HIVEP3: variants seen among roughly 807,000 people sequenced by gnomAD.
HIVEP3 encodes the protein transcription factor HIVEP3.
HIVEP3 carries 49 observed loss-of-function variants against 152.8 expected under a neutral mutation model. That is an observed-to-expected ratio of 0.32 (90% CI 0.26 to 0.41). HIVEP3 has a LOEUF of 0.41. Among genes scored for constraint, HIVEP3 ranks in the 10% least tolerant of loss-of-function variants. The pLI is 1.00. For missense variants in HIVEP3, 2,790 were observed against 3,103.3 expected, an observed-to-expected ratio of 0.90 and a Z score of 2.40; for synonymous variants, 1,269 against 1,289.0, an observed-to-expected ratio of 0.98 and a Z score of 0.33.
chr1:41,632,664 G>A (rs755948544), intron 2 of HIVEP3, among the ~76,000 whole-genome samples: 3 of 152,100 alleles, frequency 2.0e-5, no homozygotes, highest in Admixed American at 6.5e-5. Flanking sequence ...GGTAAGGCAG[G>A]AGAATTGCTT....
At chr1:41,867,902 G>A (rs1332899477) in intron 1 of HIVEP3, among the ~76,000 whole-genome samples, 2 of 151,932 alleles carry the variant, frequency 1.3e-5, no homozygotes, top group African/African-American at 4.8e-5. Flanking sequence ...CTCCCATCTG[G>A]ACTCCCTGCT....
intron 3 of HIVEP3, among the ~76,000 whole-genome samples, chr1:41,602,153 T>C (rs1558106365): frequency 6.6e-6 from 1 of 152,194 alleles, no homozygotes; most frequent in South Asian, 2.1e-4. Context: ...GCTAGTATTT[T>C]GTTGAGGATT....
At chr1:41,527,323 C>G (rs376341832) in intron 5 of HIVEP3, among the ~76,000 whole-genome samples, 2,480 of 47,158 alleles carry the variant, frequency 0.053, 135 homozygotes, top group Non-Finnish European at 0.077. Context: ...CACCCCTGCA[C>G]TCACACACAC....
upstream of HIVEP3, among the ~76,000 whole-genome samples, chr1:41,920,591 GT>G (rs370449692): frequency 1.7e-5 from 2 of 115,936 alleles, no homozygotes; most frequent in African/African-American, 7.6e-5. Context: ...TTTTTTTTTT[GT>G]TTTGTTTTTT....
Position 41,867,400 on chromosome 1 carries a change from G to A in HIVEP3, c.-801+51013C>T, listed in dbSNP as rs750678845. ...TTTGAGGTGCCATATAAAAACAGGC[G>A]GCAGGCAAATTTGGCTCACAAGCAG... is the stretch of plus-strand genomic sequence containing the variant. On this transcript the variant is annotated intron_variant, in intron 1 of 8. Coordinates refer to ENST00000372583, the MANE Select transcript of HIVEP3 (RefSeq NM_024503.5). 4.6e-5 allele frequency among the ~76,000 whole-genome samples: 7 copies of A among 152,162 alleles called. No homozygotes were observed. In the East Asian group the frequency reaches 5.8e-4, roughly 13 times the overall value.
rs1314226422 is a variant in HIVEP3, at chr1:41,585,310, G to A, written c.-513C>T. 7.5e-6 allele frequency: 3 copies of A among 398,880 alleles called. No homozygotes were observed. Among genetic ancestry groups the A allele is most frequent in the Non-Finnish European group, 1.3e-5 (3 of 226,144 alleles). 24.7% of individuals were successfully genotyped at this position (398,880 alleles called of 1,614,324 possible). Reference sequence around the variant, plus strand: ...TCAACGGCCTTGGAGGAGAAATCACGCTCTTCTTCTGTGTGATAGATGTAC... The same window carrying A: ...TCAACGGCCTTGGAGGAGAAATCACACTCTTCTTCTGTGTGATAGATGTAC... On this transcript the variant is annotated 5_prime_UTR_variant, in exon 4 of 9. Transcript: ENST00000372583.
At chr1:41,861,447 G>A (rs1643886741) in intron 1 of HIVEP3, among the ~76,000 whole-genome samples, 1 of 152,252 alleles carries the variant, frequency 6.6e-6, no homozygotes, top group Non-Finnish European at 1.5e-5. Context: ...TGTTCTGCTA[G>A]AGGCCCAAGA....
chr1:42,005,558 T>C (rs544698096), intron 1 of HIVEP3, among the ~76,000 whole-genome samples: 1 of 152,226 alleles, frequency 6.6e-6, no homozygotes, highest in African/African-American at 2.4e-5. Context: ...GCTACCTTTA[T>C]AAACTGGAGA....
At chr1:41,840,869 C>T (rs372874367) in intron 1 of HIVEP3, among the ~76,000 whole-genome samples, 23 of 152,336 alleles carry the variant, frequency 1.5e-4, no homozygotes, top group East Asian at 5.8e-4. Flanking sequence ...AATTCCATAA[C>T]TTTCTCTCCT....
intron 5 of HIVEP3, among the ~76,000 whole-genome samples, chr1:41,562,821 T>C (rs1390481693): frequency 6.6e-6 from 1 of 152,100 alleles, no homozygotes; most frequent in African/African-American, 2.4e-5. Flanking sequence ...CATCCCAGGA[T>C]CCCTCAAAGC....
chr1:41,605,442 C>T (rs182719665), intron 3 of HIVEP3, among the ~76,000 whole-genome samples: 13 of 151,614 alleles, frequency 8.6e-5, no homozygotes, highest in African/African-American at 2.9e-4. Context: ...TCCAGTACAG[C>T]GGTACACTTC....
At chr1:41,888,191 A>G (rs1298600320) in intron 1 of HIVEP3, among the ~76,000 whole-genome samples, 2 of 134,788 alleles carry the variant, frequency 1.5e-5, no homozygotes, top group Non-Finnish European at 3.1e-5. Flanking sequence ...ACCCACCACC[A>G]CGCCCGGCTA....
At position 41,664,482 on chromosome 1, in the gene HIVEP3, G is replaced by A. The variant is rs1645764394; in HGVS notation, c.-720-35535C>T. On this transcript the variant is annotated intron_variant, in intron 2 of 8. Transcript: ENST00000372583. This position sits in a 1 kb window ranked among gnomAD's most constrained non-coding sequence, Gnocchi z 4.4. ...TGCCACAGGCAACTCAATAGTTCCTGCCTCTACAGACTTGCCCATCACCTC... is the reference window on the plus strand; with the variant it reads ...TGCCACAGGCAACTCAATAGTTCCTACCTCTACAGACTTGCCCATCACCTC... Among the ~76,000 whole-genome samples the A allele has an allele frequency of 6.6e-6, 1 of 152,220 alleles. No individual in the cohort carries two copies. The highest frequency in any genetic ancestry group is 6.5e-5 in the Admixed American group (1 of 15,282).
chr1:41,836,538 A>G (rs1382240821), intron 1 of HIVEP3, among the ~76,000 whole-genome samples: 1 of 152,208 alleles, frequency 6.6e-6, no homozygotes, highest in Non-Finnish European at 1.5e-5. Context: ...CAACAAGACA[A>G]TCTGAGCATG....
At chr1:41,686,415 C>A (rs1646117158) in intron 2 of HIVEP3, among the ~76,000 whole-genome samples, 1 of 152,168 alleles carries the variant, frequency 6.6e-6, no homozygotes, top group South Asian at 2.1e-4. Flanking sequence ...TAATCTCCTC[C>A]AGAACAATGG....
intron 2 of HIVEP3, among the ~76,000 whole-genome samples, chr1:41,652,978 G>C (rs915877588): frequency 6.6e-6 from 1 of 152,062 alleles, no homozygotes; most frequent in Non-Finnish European, 1.5e-5. Flanking sequence ...ACGTAGGGAA[G>C]GGAAAAGGAT....
rs574003638 is a variant in HIVEP3 at position 41,953,007 on chromosome 1, C to T, written n.120-34483G>A. ...TGTCCAGCTGTTTTTCTGGTGTCTT[C>T]TCTAGTCCCCTGCCTGTCCCCAACT... On this transcript the variant is annotated intron_variant and non_coding_transcript_variant, in intron 1 of 3. Transcript: ENST00000489103. 2.7e-3 allele frequency among the ~76,000 whole-genome samples: 413 copies of T among 152,224 alleles called. 1 individual carries two copies. Among genetic ancestry groups the T allele is most frequent in the African/African-American group, 9.5e-3 (395 of 41,526 alleles).
intron 2 of HIVEP3, among the ~76,000 whole-genome samples, chr1:41,666,562 C>T (rs1436547689): frequency 6.6e-6 from 1 of 152,174 alleles, no homozygotes; most frequent in African/African-American, 2.4e-5. Flanking sequence ...TGATTACTGT[C>T]CTCCCATATG....
chr1:41,713,685 C>G (rs1248201225), intron 1 of HIVEP3, among the ~76,000 whole-genome samples: 1 of 152,216 alleles, frequency 6.6e-6, no homozygotes, highest in African/African-American at 2.4e-5. Flanking sequence ...CCTGGATGTT[C>G]GGCCTCTACT....
Sources: gnomAD v4.1 joint callset for allele counts (sites outside exome capture counted in the v4.1 genomes callset) on GRCh38, gnomAD v4.1.1 for gene constraint, Gnocchi (gnomAD v3.1) non-coding constraint, MANE v1.5 for transcripts, NCBI Gene and HGNC (gene_info 2026-07-23, HGNC 2026-07-21) for gene names.